Variants in KCNT2 observed in about 807,000 individuals in gnomAD.
KCNT2 encodes potassium sodium-activated channel subfamily T member 2.
Under a neutral mutation model 153.8 loss-of-function variants are expected in KCNT2, and 67 were observed. The observed-to-expected ratio is 0.44, with a 90% CI of 0.36 to 0.53. The LOEUF is 0.53. Among genes scored for constraint, KCNT2 ranks in the 20% least tolerant of loss-of-function variants. The pLI is 0.00. For synonymous variants in KCNT2, 500 were observed against 458.8 expected (o/e 1.09, Z -1.15); for missense variants, 975 against 1,354.8 (o/e 0.72, Z 4.40).
chr1:196,387,934 T>C (rs1412914835), intron 13 of KCNT2, among the ~76,000 whole-genome samples: 1 of 151,630 alleles, frequency 6.6e-6, no homozygotes, highest in Non-Finnish European at 1.5e-5. Context: ...TTTTTCTTTT[T>C]TTTTTTTTTC....
rs1411840992 is a variant in KCNT2, at chr1:196,313,291, C to T, written c.2483+2601G>A. On this transcript the variant is annotated intron_variant, in intron 21 of 27. Transcript: ENST00000294725. The stretch of plus-strand genomic sequence containing the variant: ...GTAGCACTACTCAGAGTGTTGAATG[C>T]TAGAAACTGAGAATGTGGAGTGTAA... 2.0e-5 allele frequency among the ~76,000 whole-genome samples: 3 copies of T among 151,470 alleles called. No homozygotes were observed. In the South Asian group the frequency reaches 6.2e-4, roughly 32 times the overall value.
intron 8 of KCNT2, among the ~76,000 whole-genome samples, chr1:196,432,758 A>C (rs1674275212): frequency 6.6e-6 from 1 of 152,090 alleles, no homozygotes; most frequent in African/African-American, 2.4e-5. Flanking sequence ...TCATGCCTTG[A>C]GTCTCACCCA....
At chr1:196,365,214 G>T (rs2148291869) in intron 14 of KCNT2, among the ~76,000 whole-genome samples, 1 of 152,042 alleles carries the variant, frequency 6.6e-6, no homozygotes, top group East Asian at 1.9e-4. Flanking sequence ...TATTTTCTCT[G>T]ATACCTATAT....
At chr1:196,266,421 GAAT>G (rs1366118327) in intron 25 of KCNT2, among the ~76,000 whole-genome samples, 5 of 152,110 alleles carry the variant, frequency 3.3e-5, no homozygotes, top group Non-Finnish European at 5.9e-5. Context: ...TTAACCATCA[GAAT>G]TACTTTCTGG....
At chr1:196,410,033 C>T (rs567447649) in intron 12 of KCNT2, among the ~76,000 whole-genome samples, 1 of 151,742 alleles carries the variant, frequency 6.6e-6, no homozygotes, top group Non-Finnish European at 1.5e-5. Flanking sequence ...TTGCATTTCC[C>T]TGATAATTAA....
At chr1:196,452,001 A>G (rs1676254425) in intron 8 of KCNT2, among the ~76,000 whole-genome samples, 1 of 151,894 alleles carries the variant, frequency 6.6e-6, no homozygotes, top group Admixed American at 6.6e-5. Flanking sequence ...GAATCGGGTA[A>G]TAGACAAGTA....
intron 16 of KCNT2, among the ~76,000 whole-genome samples, chr1:196,334,708 T>G (rs1664839026): frequency 6.6e-6 from 1 of 152,090 alleles, no homozygotes; most frequent in African/African-American, 2.4e-5. Flanking sequence ...TGGGGAGCAC[T>G]GTTCCAGGTA....
At chr1:196,301,107 C>G (rs1051570742) in intron 22 of KCNT2, among the ~76,000 whole-genome samples, 1 of 152,176 alleles carries the variant, frequency 6.6e-6, no homozygotes, top group African/African-American at 2.4e-5. Context: ...AGACTGAAGT[C>G]TGTCAACACA....
chr1:196,576,725 A>C (rs984779508), intron 1 of KCNT2, among the ~76,000 whole-genome samples: 1 of 152,060 alleles, frequency 6.6e-6, no homozygotes. Context: ...TTAAATATGT[A>C]TGTTTATAGT....
chr1:196,389,357 A>G (rs1047576541), intron 13 of KCNT2, among the ~76,000 whole-genome samples: 1 of 151,610 alleles, frequency 6.6e-6, no homozygotes, highest in Non-Finnish European at 1.5e-5. Context: ...AAATCACTAT[A>G]AATTTTTTTT....
At chr1:196,462,712 T>G (rs1365053965) in intron 8 of KCNT2, among the ~76,000 whole-genome samples, 1 of 151,788 alleles carries the variant, frequency 6.6e-6, no homozygotes, top group Admixed American at 6.6e-5. Context: ...GTGATTAATA[T>G]CCTCATTTAA....
chr1:196,593,047 C>A (rs1663575787), intron 1 of KCNT2, among the ~76,000 whole-genome samples: 1 of 150,346 alleles, frequency 6.7e-6, no homozygotes, highest in Non-Finnish European at 1.5e-5. Context: ...ACACTGAACA[C>A]AATTTGTAGT....
intron 25 of KCNT2, among the ~76,000 whole-genome samples, chr1:196,272,033 A>AAATGATAAG (rs1658109056): frequency 6.6e-6 from 1 of 151,880 alleles, no homozygotes; most frequent in African/African-American, 2.4e-5. Flanking sequence ...CTACCTTGTG[A>AAATGATAAG]AATGATAAGA....
intron 14 of KCNT2, among the ~76,000 whole-genome samples, chr1:196,349,932 C>G (rs1375863190): frequency 2.6e-5 from 4 of 151,964 alleles, no homozygotes; most frequent in African/African-American, 9.7e-5. Context: ...TGTTAAATTC[C>G]TATCTATGAG....
chr1:196,483,261 C>A (rs1461011905), intron 3 of KCNT2, among the ~76,000 whole-genome samples: 1 of 152,126 alleles, frequency 6.6e-6, no homozygotes, highest in Non-Finnish European at 1.5e-5. Flanking sequence ...AGCCATCAAA[C>A]CTTTTCAGTC....
At chr1:196,266,932 T>C (rs1282349654) in intron 25 of KCNT2, among the ~76,000 whole-genome samples, 2 of 152,222 alleles carry the variant, frequency 1.3e-5, no homozygotes, top group African/African-American at 2.4e-5. Flanking sequence ...TAAAAGGAGA[T>C]AGCTCATTTG....
At chr1:196,429,433 T>C (rs1344127145) in intron 9 of KCNT2, 144 bp downstream of exon 9, 1 of 500,720 alleles carries the variant, frequency 2.0e-6, no homozygotes, top group African/African-American at 2.0e-5. Flanking sequence ...TGCAGTAATT[T>C]ATGTAATTGA....
chr1:196,529,021 TA>T (rs1477841713), intron 1 of KCNT2, among the ~76,000 whole-genome samples: 1 of 152,162 alleles, frequency 6.6e-6, no homozygotes, highest in African/African-American at 2.4e-5. Flanking sequence ...GATTGTAACA[TA>T]TTCAAAATAT....
intron 13 of KCNT2, among the ~76,000 whole-genome samples, chr1:196,384,541 T>C (rs1456539238): frequency 2.0e-5 from 3 of 151,652 alleles, no homozygotes; most frequent in Admixed American, 2.0e-4. Flanking sequence ...AAACTAAAAA[T>C]AAAAAATTAG....
Sources: gnomAD v4.1 joint callset for allele counts (sites outside exome capture counted in the v4.1 genomes callset) on GRCh38, gnomAD v4.1.1 for gene constraint, MANE v1.5 for transcripts, NCBI Gene and HGNC (gene_info 2026-07-23, HGNC 2026-07-21) for gene names.